The following PLEKHH1 variants were observed in gnomAD, a reference collection of about 807,000 sequenced individuals.
PLEKHH1 encodes pleckstrin homology domain-containing family H member 1.
PLEKHH1 carries 104 observed loss-of-function variants against 160.0 expected under a neutral mutation model. That is an observed-to-expected ratio of 0.65 (90% CI 0.55 to 0.76). The LOEUF is 0.76. Ranked by LOEUF, PLEKHH1 falls within the 30% of genes least tolerant of loss-of-function variation. PLEKHH1 has a pLI of 0.00. For synonymous variants in PLEKHH1, 619 were observed against 678.4 expected (o/e 0.91, Z 1.36); for missense variants, 1,427 against 1,724.1 (o/e 0.83, Z 3.05).
intron 23 of PLEKHH1, 32 bp downstream of exon 23, chr14:67,581,070 C>A: frequency 7.2e-7 from 1 of 1,392,164 alleles, no homozygotes; most frequent in Non-Finnish European, 1.0e-6. Flanking sequence ...TGGGGCCAAA[C>A]ACAAGGGCTG....
chr14:67,552,654 C>CTA (rs36118167), intron 2 of PLEKHH1, among the ~76,000 whole-genome samples: 27,754 of 151,788 alleles, frequency 0.18, 3,154 homozygotes, highest in East Asian at 0.28. Context: ...GTAGTCCCAG[C>CTA]TACTCGGGAG....
Position 67,574,029 on chromosome 14 carries a change from G to C in PLEKHH1, c.1926+142G>C. 1.4e-6 allele frequency: 1 copy of C among 714,616 alleles called. No homozygotes were observed. The highest frequency in any genetic ancestry group is 2.4e-6 in the Non-Finnish European group (1 of 414,412). The allele number at this position is 714,616 out of a possible 1,614,324, so 44.3% of individuals were successfully genotyped here. A position where few individuals can be genotyped will look rare whatever the true frequency, so the allele number is the denominator to read the frequency against. On this transcript the variant is annotated intron_variant, in intron 13 of 28. Transcript: ENST00000329153. This position sits in a 1 kb window ranked among gnomAD's most constrained non-coding sequence, Gnocchi z 4.2. ...ATTTGGACGTGATCCTAACTTGTGA[G>C]TACAAGAAAGGAAGATGAGACAGAA... is the stretch of plus-strand genomic sequence containing the variant.
intron 2 of PLEKHH1, among the ~76,000 whole-genome samples, chr14:67,555,040 G>A (rs1324371568): frequency 2.0e-5 from 3 of 152,122 alleles, no homozygotes; most frequent in African/African-American, 7.2e-5. Context: ...AGCCTCCTGA[G>A]TAGCTGGGAC....
rs2034634008 is a variant in PLEKHH1, at chr14:67,557,285, A to G, written c.206A>G (p.Glu69Gly). ...NAETQVGVME[E>G]KVKLSNLKNV... ...ACTTTTCAGGTGGGTGTCATGGAAG[A>G]GAAGGTAAAACTATCCAATCTGAAG... The change falls in exon 4 of 29, where the codon GAG (glutamate) becomes GGG (glycine). Residue 69 changes from glutamate (E) to glycine (G), a missense_variant. Glu to Gly is a moderately conservative substitution (Grantham distance 98). Coordinates refer to ENST00000329153, the MANE Select transcript of PLEKHH1 (RefSeq NM_020715.3). 6.2e-7 allele frequency: 1 copy of G among 1,613,674 alleles called. No homozygotes were observed. Among genetic ancestry groups the G allele is most frequent in the Non-Finnish European group, 8.5e-7 (1 of 1,179,712 alleles).
intron 2 of PLEKHH1, among the ~76,000 whole-genome samples, chr14:67,549,357 G>A (rs368794764): frequency 3.3e-5 from 5 of 151,050 alleles, no homozygotes; most frequent in African/African-American, 4.9e-5. Flanking sequence ...TGCAACCTCC[G>A]CCTCCCAGGT....
chr14:67,562,041 C>T lies in PLEKHH1; in HGVS notation c.505+6C>T, dbSNP rs747736512. 2 of 1,612,998 alleles carry T rather than the reference C, an allele frequency of 1.2e-6. No individual in the cohort carries two copies. Among genetic ancestry groups the T allele is most frequent in the African/African-American group, 1.3e-5 (1 of 74,882 alleles). ...CCTTCAAGATGCGCTAGAAGGTAGG[C>T]AGGCCAGGGTGTGCAGGTGTGCAGT... On this transcript the variant is annotated splice_donor_region_variant and intron_variant, in intron 6 of 28. Transcript: ENST00000329153.
chr14:67,577,684 C>T (rs575051505), intron 18 of PLEKHH1, among the ~76,000 whole-genome samples: 3 of 152,236 alleles, frequency 2.0e-5, no homozygotes, highest in South Asian at 4.1e-4. Flanking sequence ...GCAGAAAAGG[C>T]GAGGTTTATG....
intron 2 of PLEKHH1, among the ~76,000 whole-genome samples, chr14:67,544,850 C>A (rs1300704741): frequency 2.6e-5 from 4 of 152,140 alleles, no homozygotes; most frequent in African/African-American, 9.7e-5. Flanking sequence ...ACAAATACAG[C>A]AGTTGAGACC....
In PLEKHH1 at chr14:67,575,433, T is replaced by G; in HGVS notation, c.2130T>G (p.Val710=). 2 of 1,610,222 alleles carry G rather than the reference T, an allele frequency of 1.2e-6. No individual in the cohort carries two copies. The highest frequency in any genetic ancestry group is 1.7e-6 in the Non-Finnish European group (2 of 1,178,220). ...CCAAGGTGGTCTGGTGCGCTCTTGT[T>G]GGGAAAATCTTCTACTACTATCGGA... is the stretch of plus-strand genomic sequence containing the variant. ...GHSKVVWCAL[V]GKIFYYYRSH... The change falls in exon 15 of 29, where the codon GTT becomes GTG. Residue 710 remains valine (V), a synonymous_variant. Coordinates refer to ENST00000329153, the MANE Select transcript of PLEKHH1 (RefSeq NM_020715.3).
intron 4 of PLEKHH1, among the ~76,000 whole-genome samples, chr14:67,559,291 C>T (rs1259290091): frequency 1.3e-5 from 2 of 152,274 alleles, no homozygotes; most frequent in East Asian, 1.9e-4. Flanking sequence ...ACCTCTCTCT[C>T]CCTCCCCAGT....
Position 67,562,461 on chromosome 14 carries a change from G to A in PLEKHH1, c.830G>A (p.Cys277Tyr). The A allele has an allele frequency of 6.2e-7, 1 of 1,613,898 alleles. No individual in the cohort carries two copies. The highest frequency in any genetic ancestry group is 8.5e-7 in the Non-Finnish European group (1 of 1,179,754). The change falls in exon 7 of 29, where the codon TGT becomes TAT. Residue 277 changes from cysteine (C) to tyrosine (Y), a missense_variant. Physicochemically the swap from Cys to Tyr is radical, Grantham distance 194 (BLOSUM62 -2). Around this residue, in one of 6 missense-constraint regions of PLEKHH1, gnomAD observed 831 missense variants for 929.2 expected, o/e 0.89. Coordinates refer to ENST00000329153, the MANE Select transcript of PLEKHH1 (RefSeq NM_020715.3). ...TGCATGAAGCTTCTTACCTTCAGAT[G>A]TAGTTCAGCTTCCTGGGGTGAGGGT... ...QPCMKLLTFR[C>Y]SSASWGEGLV... is the part of the protein sequence containing the mutation.
At chr14:67,563,002 A>C in intron 7 of PLEKHH1, 108 bp downstream of exon 7, 1 of 1,164,328 alleles carries the variant, frequency 8.6e-7, no homozygotes, top group Non-Finnish European at 1.2e-6. Flanking sequence ...TGGCATCCTC[A>C]TGGTGGCCCT....
chr14:67,584,268 G>C, intron 26 of PLEKHH1, 144 bp downstream of exon 26: 1 of 747,562 alleles, frequency 1.3e-6, no homozygotes, highest in Non-Finnish European at 2.2e-6. Context: ...GCCTAGTCCA[G>C]CTTTCCACAG....
At position 67,566,749 on chromosome 14, in the gene PLEKHH1, G is replaced by GAAAA. The variant is rs58616303; in HGVS notation, c.1264-2376_1264-2373dup. Among the ~76,000 whole-genome samples the GAAAA allele has an allele frequency of 1.1e-3, 141 of 134,262 alleles. 1 individual carries two copies. In the East Asian group the frequency reaches 0.024, roughly 23 times the overall value. 88.1% of individuals were successfully genotyped at this position (134,262 alleles called of 152,430 possible). A position where few individuals can be genotyped will look rare whatever the true frequency, so the allele number is the denominator to read the frequency against. On this transcript the variant is annotated intron_variant, in intron 7 of 28. Coordinates refer to ENST00000329153, the MANE Select transcript of PLEKHH1 (RefSeq NM_020715.3). ...GAGTGACAGAGCCAGACCCTGTCTT[G>GAAAA]AAAAAAAAAAAAAAAAGAGTGGGTC...
intron 8 of PLEKHH1, 56 bp from the exon 9 acceptor site, chr14:67,569,865 A>G: frequency 8.8e-7 from 1 of 1,140,444 alleles, no homozygotes; most frequent in Non-Finnish European, 1.3e-6. Flanking sequence ...TGCTTCCCCC[A>G]CACCCCTTCC....
In PLEKHH1 at chr14:67,534,503, T is replaced by TA. The variant is rs200889946; in HGVS notation, c.-35+1115dup. The stretch of plus-strand genomic sequence containing the variant: ...TTGGGAGGCTGATGATCCTGTCTGT[T>TA]AAAAAAAAAATTGTTGTGATATGCC... On this transcript the variant is annotated intron_variant, in intron 1 of 28. Transcript: ENST00000329153. Among the ~76,000 whole-genome samples the TA allele has an allele frequency of 3.4e-3, 506 of 150,150 alleles. 4 individuals carry two copies. Among genetic ancestry groups the TA allele is most frequent in the African/African-American group, 0.01 (417 of 40,964 alleles).
At chr14:67,570,173 G>C in intron 9 of PLEKHH1, 161 bp downstream of exon 9, 1 of 262,628 alleles carries the variant, frequency 3.8e-6, no homozygotes, top group Non-Finnish European at 5.9e-6. Context: ...TTGTTTATTA[G>C]GTTATTATAA....
chr14:67,576,508 G>A lies in PLEKHH1; in HGVS notation c.2461+5G>A, dbSNP rs761667441. On this transcript the variant is annotated splice_donor_5th_base_variant and intron_variant, in intron 17 of 28. Transcript: ENST00000329153. The surrounding 1 kb of genome is among the most constrained non-coding windows in gnomAD (Gnocchi z 4.0). ...TGGATGGTGAAGGAGATCCAGGTAA[G>A]GCAAGGGTGGCCACCACTGCTTGGG... 2.1e-6 allele frequency: 3 copies of A among 1,434,526 alleles called. No individual in the cohort carries two copies. In the African/African-American group the frequency reaches 4.2e-5, roughly 20 times the overall value. The allele number at this position is 1,434,526 out of a possible 1,614,324, so 88.9% of individuals were successfully genotyped here.
intron 2 of PLEKHH1, 39 bp from the exon 3 acceptor site, chr14:67,555,786 C>T (rs1239487047): frequency 6.2e-7 from 1 of 1,609,852 alleles, no homozygotes; most frequent in Non-Finnish European, 8.5e-7. Context: ...ACAGTAGGGA[C>T]ATGGCACCTA....
Sources: gnomAD v4.1 joint callset for allele counts (sites outside exome capture counted in the v4.1 genomes callset) on GRCh38, gnomAD v4.1.1 for gene constraint, gnomAD v4.1.1 regional missense constraint, Gnocchi (gnomAD v3.1) non-coding constraint, MANE v1.5 for transcripts, NCBI Gene and HGNC (gene_info 2026-07-23, HGNC 2026-07-21) for gene names.